The following SLC44A5 variants were observed in gnomAD, a reference collection of about 807,000 sequenced individuals.
SLC44A5 encodes the protein choline transporter-like protein 5.
A neutral mutation model predicts 101.8 loss-of-function variants in SLC44A5; 57 were observed. The observed-to-expected ratio is 0.56, with a 90% CI of 0.45 to 0.70. SLC44A5 has a LOEUF of 0.70. Ranked by LOEUF, SLC44A5 falls within the 30% of genes least tolerant of loss-of-function variation. SLC44A5 has a pLI of 0.00. For synonymous variants in SLC44A5, 281 were observed against 290.9 expected, an observed-to-expected ratio of 0.97 and a Z score of 0.35; for missense variants, 737 against 853.1, an observed-to-expected ratio of 0.86 and a Z score of 1.70.
intron 3 of SLC44A5, among the ~76,000 whole-genome samples, chr1:75,387,696 C>T (rs2101321793): frequency 9.8e-6 from 1 of 101,970 alleles, no homozygotes; most frequent in Admixed American, 1.2e-4. Flanking sequence ...TTTGACCCAG[C>T]CATCCCATTA....
At chr1:75,607,011 A>T (rs1675363186) in intron 1 of SLC44A5, among the ~76,000 whole-genome samples, 1 of 151,998 alleles carries the variant, frequency 6.6e-6, no homozygotes, top group Non-Finnish European at 1.5e-5. Flanking sequence ...AAATACCACC[A>T]ATGTTCTGAT....
chr1:75,358,801 A>G (rs920648130), intron 3 of SLC44A5, among the ~76,000 whole-genome samples: 2 of 152,196 alleles, frequency 1.3e-5, no homozygotes, highest in African/African-American at 4.8e-5. Flanking sequence ...GAATGATTCA[A>G]TCAAGCTGAT....
chr1:75,565,667 A>G (rs1672750854), intron 1 of SLC44A5, among the ~76,000 whole-genome samples: 1 of 152,198 alleles, frequency 6.6e-6, no homozygotes, highest in African/African-American at 2.4e-5. Context: ...AGCCAGGTTC[A>G]AGTCCTAGTT....
intron 2 of SLC44A5, among the ~76,000 whole-genome samples, chr1:75,485,184 A>T (rs1430971624): frequency 6.6e-6 from 1 of 152,192 alleles, no homozygotes; most frequent in Admixed American, 6.5e-5. Context: ...TCACACAATC[A>T]AGCTGCACAT....
At chr1:75,381,942 T>C (rs1466259834) in intron 3 of SLC44A5, among the ~76,000 whole-genome samples, 1 of 82,104 alleles carries the variant, frequency 1.2e-5, no homozygotes, top group Non-Finnish European at 2.1e-5. Context: ...ACTTTGTTAA[T>C]GATTGGCAAA....
intron 1 of SLC44A5, among the ~76,000 whole-genome samples, chr1:75,556,604 C>G (rs1230118291): frequency 6.6e-6 from 1 of 152,056 alleles, no homozygotes; most frequent in Non-Finnish European, 1.5e-5. Flanking sequence ...AAAGAGGAAA[C>G]TGAGGACATA....
intron 2 of SLC44A5, among the ~76,000 whole-genome samples, chr1:75,525,922 A>G (rs1204529810): frequency 6.6e-6 from 1 of 152,234 alleles, no homozygotes; most frequent in East Asian, 1.9e-4. Flanking sequence ...TTCATATTGT[A>G]CTATTCTTTC....
intron 5 of SLC44A5, among the ~76,000 whole-genome samples, chr1:75,281,384 C>A (rs761055765): frequency 6.6e-6 from 1 of 151,946 alleles, no homozygotes; most frequent in Non-Finnish European, 1.5e-5. Context: ...AGCAGCAAAA[C>A]GTTCAAGAGG....
chr1:75,472,643 GT>G (rs1667173832), intron 2 of SLC44A5, among the ~76,000 whole-genome samples: 2 of 152,092 alleles, frequency 1.3e-5, no homozygotes, highest in African/African-American at 4.8e-5. Flanking sequence ...TAAAATACAA[GT>G]TTTTCATTTA....
the SLC44A5 span, chr1:75,642,181 T>C: frequency 1.6e-6 from 1 of 636,854 alleles, no homozygotes. Context: ...CTCCTTATGT[T>C]AGCTGACACA....
the SLC44A5 span, among the ~76,000 whole-genome samples, chr1:75,656,388 T>C: frequency 6.6e-6 from 1 of 152,176 alleles, no homozygotes; most frequent in African/African-American, 2.4e-5. Flanking sequence ...TTGTGGTGTA[T>C]AAAGCACTCA....
At chr1:75,307,398 G>A (rs1454791064) in intron 4 of SLC44A5, among the ~76,000 whole-genome samples, 1 of 152,142 alleles carries the variant, frequency 6.6e-6, no homozygotes, top group African/African-American at 2.4e-5. Flanking sequence ...CCAGGAAGCA[G>A]AATGAATGCT....
chr1:75,677,779 C>T, the SLC44A5 span: 1 of 427,072 alleles, frequency 2.3e-6, no homozygotes. Flanking sequence ...CGAATAGGAA[C>T]AGCTCCGGTC....
chr1:75,671,026 A>G, the SLC44A5 span, among the ~76,000 whole-genome samples: 1 of 152,244 alleles, frequency 6.6e-6, no homozygotes, highest in Non-Finnish European at 1.5e-5. Flanking sequence ...AAGGTCACTC[A>G]GGAGACAAAG....
At chr1:75,314,260 T>A (rs559380999) in intron 4 of SLC44A5, among the ~76,000 whole-genome samples, 1 of 152,246 alleles carries the variant, frequency 6.6e-6, no homozygotes, top group African/African-American at 2.4e-5. Flanking sequence ...TTTACTAGAC[T>A]TAGAGAATTT....
chr1:75,212,788 G>C (rs1200004394), intron 22 of SLC44A5, among the ~76,000 whole-genome samples: 1 of 151,964 alleles, frequency 6.6e-6, no homozygotes, highest in Non-Finnish European at 1.5e-5. Context: ...GTGGGGGAGA[G>C]GCAAATGTGA....
At chr1:75,286,667 G>T (rs1336968144) in intron 5 of SLC44A5, among the ~76,000 whole-genome samples, 2 of 151,984 alleles carry the variant, frequency 1.3e-5, no homozygotes, top group Non-Finnish European at 2.9e-5. Context: ...ATGCTGGCTT[G>T]GTAGTGAGAA....
At chr1:75,372,421 G>A (rs1257946632) in intron 3 of SLC44A5, among the ~76,000 whole-genome samples, 1 of 152,050 alleles carries the variant, frequency 6.6e-6, no homozygotes, top group Non-Finnish European at 1.5e-5. Context: ...TTTAATCCTG[G>A]CATTCTGACA....
chr1:75,644,001 C>T, the SLC44A5 span, among the ~76,000 whole-genome samples: 1 of 152,158 alleles, frequency 6.6e-6, no homozygotes, highest in Admixed American at 6.6e-5. Flanking sequence ...AAACACTTGT[C>T]TATGATAGAC....
Sources: allele counts gnomAD v4.1 joint callset (sites outside exome capture counted in the v4.1 genomes callset), GRCh38; gene constraint gnomAD v4.1.1; transcripts MANE v1.5; gene names NCBI Gene and HGNC (gene_info 2026-07-23, HGNC 2026-07-21).